IFT172: variants seen among roughly 807,000 people sequenced by gnomAD.
IFT172 encodes the protein intraflagellar transport protein 172 homolog.
IFT172 carries 164 observed loss-of-function variants against 248.9 expected under a neutral mutation model. The observed-to-expected ratio is 0.66, with a 90% confidence interval of 0.58 to 0.75. The LOEUF is 0.75. Ranked by LOEUF, IFT172 falls within the 30% of genes least tolerant of loss-of-function variation. The pLI is 0.00. For synonymous variants in IFT172, 729 were observed against 791.6 expected (o/e 0.92, Z 1.33); for missense variants, 1,950 against 2,192.4 (o/e 0.89, Z 2.21).
chr2:27,468,516 G>A (rs1457852108), intron 16 of IFT172, among the ~76,000 whole-genome samples: 1 of 152,010 alleles, frequency 6.6e-6, no homozygotes, highest in Non-Finnish European at 1.5e-5. Context: ...TTATATGTGT[G>A]AGCCACTGTG....
Position 27,471,076 on chromosome 2 carries a change from T to C in IFT172, c.1544A>G (p.Glu515Gly). ...GAGGATCATTGTCTTAGAGCAGCTTTCAATATCATACAGATGCAACTGAAG... is the reference window on the plus strand; with the variant it reads ...GAGGATCATTGTCTTAGAGCAGCTTCCAATATCATACAGATGCAACTGAAG... ...RKLRLHLYDI[E>G]SCSKTMILNF... Residue 515 changes from glutamate (E) to glycine (G), a missense_variant, in exon 16 of 48, where the codon GAA (glutamate) becomes GGA (glycine). Physicochemically the swap from Glu to Gly is moderately conservative, Grantham distance 98 (BLOSUM62 -2). This residue lies in a region of IFT172 where 1,166 missense variants were observed against 1,254.1 expected (regional missense o/e 0.93). Transcript: ENST00000260570. The C allele has an allele frequency of 6.2e-7, 1 of 1,610,580 alleles. No individual in the cohort carries two copies. Among genetic ancestry groups the C allele is most frequent in the Non-Finnish European group, 8.5e-7 (1 of 1,179,176 alleles).
At chr2:27,455,188 C>A in intron 30 of IFT172, 1 of 322,342 alleles carries the variant, frequency 3.1e-6, no homozygotes, top group South Asian at 2.9e-5. Flanking sequence ...CTGATGTGCT[C>A]AAGAGCATCA....
intron 1 of IFT172, among the ~76,000 whole-genome samples, chr2:27,487,455 C>T (rs575654809): frequency 6.6e-6 from 1 of 152,314 alleles, no homozygotes; most frequent in African/African-American, 2.4e-5. Context: ...AGCATAATCT[C>T]ATTTTACCTC....
At position 27,485,136 on chromosome 2, in the gene IFT172, AG is replaced by A; in HGVS notation, c.184-7del. ...ATATAGCTCTTCCTGCCATACTAAG[AG>A]TTTAAAAAAAAAAAAAGAAAGAAAA... On this transcript the variant is annotated splice_region_variant and splice_polypyrimidine_tract_variant and intron_variant, in intron 2 of 47. Transcript: ENST00000260570. The A allele has an allele frequency of 1.3e-6, 2 of 1,532,502 alleles. No homozygotes were observed. The highest frequency in any genetic ancestry group is 1.8e-6 in the Non-Finnish European group (2 of 1,121,350). The allele number at this position is 1,532,502 out of a possible 1,614,324, so 94.9% of individuals were successfully genotyped here. A position where few individuals can be genotyped will look rare whatever the true frequency, so the allele number is the denominator to read the frequency against.
intron 17 of IFT172, 28 bp from the exon 18 acceptor site, chr2:27,465,546 T>A (rs1055421153): frequency 6.2e-7 from 1 of 1,606,078 alleles, no homozygotes; most frequent in Non-Finnish European, 8.5e-7. Flanking sequence ...CAAAGCATAA[T>A]GAATGAGGAA....
chr2:27,471,159 C>T, intron 15 of IFT172, 64 bp from the exon 16 acceptor site: 2 of 1,535,168 alleles, frequency 1.3e-6, no homozygotes, highest in Non-Finnish European at 1.8e-6. Context: ...CTGCTTTTGA[C>T]CATTTTCCTA....
At position 27,453,965 on chromosome 2, in the gene IFT172, T is replaced by C. The variant is rs376488082; in HGVS notation, c.3711+17A>G. The C allele has an allele frequency of 3.8e-5, 61 of 1,604,288 alleles. No individual in the cohort carries two copies. Among genetic ancestry groups the C allele is most frequent in the Non-Finnish European group, 3.9e-5 (46 of 1,177,446 alleles). On this transcript the variant is annotated intron_variant, in intron 33 of 47. Transcript: ENST00000260570. ...AACTCTCCCCCTCCCCTCATGGCCCTGCATCCAGTGCCCCACCTTATAATA... is the reference window on the plus strand; with the variant it reads ...AACTCTCCCCCTCCCCTCATGGCCCCGCATCCAGTGCCCCACCTTATAATA...
chr2:27,458,148 C>T lies in IFT172; in HGVS notation c.2953G>A (p.Gly985Ser), dbSNP rs369780709. The T allele has an allele frequency of 9.5e-5, 153 of 1,614,170 alleles. No homozygotes were observed. Among genetic ancestry groups the T allele is most frequent in the Non-Finnish European group, 1.2e-4 (147 of 1,180,012 alleles). ...ITQAQEMEKQ[G>S]KYREAERLYV... ...CACCTTTCAGCCTCACGGTACTTGC[C>T]CTGCTTCTCCATTTCCTGGGCCTGA... The change falls in exon 27 of 48, where the codon GGC (glycine) becomes AGC (serine). Residue 985 changes from glycine to serine, a missense_variant. Around this residue, in one of 3 missense-constraint regions of IFT172, gnomAD observed 1,166 missense variants for 1,254.1 expected, o/e 0.93. Transcript: ENST00000260570.
rs1356429220 is a variant in IFT172, at chr2:27,479,390, C to A, written c.1005+119G>T. Reference sequence around the variant, plus strand: ...TGACATATTCTGTTGCCCAGAACAGCTCTTCCAGAGGGATGAAGATTAAAT... The same window carrying A: ...TGACATATTCTGTTGCCCAGAACAGATCTTCCAGAGGGATGAAGATTAAAT... On this transcript the variant is annotated intron_variant, in intron 10 of 47. Coordinates refer to ENST00000260570, the MANE Select transcript of IFT172 (RefSeq NM_015662.3). 7 of 685,944 alleles carry A rather than the reference C, an allele frequency of 1.0e-5. No individual in the cohort carries two copies. The African/African-American group carries it at 1.2e-4, about 12-fold the overall frequency. The allele number at this position is 685,944 out of a possible 1,614,324, so 42.5% of individuals were successfully genotyped here.
intron 1 of IFT172, 76 bp from the exon 2 acceptor site, chr2:27,485,579 C>A (rs1668701812): frequency 6.5e-7 from 1 of 1,540,950 alleles, no homozygotes; most frequent in Non-Finnish European, 8.9e-7. Flanking sequence ...TTCATTAATT[C>A]TAGTGTAATA....
At chr2:27,446,416 TGATCCTGTAAGGCAGCCACA>T (rs1665105678) in intron 42 of IFT172, 61 bp from the exon 43 acceptor site, 4 of 1,446,356 alleles carry the variant, frequency 2.8e-6, no homozygotes, top group Non-Finnish European at 3.9e-6. Context: ...ACCAGACCAA[TGATCCTGTAAGGCAGCCACA>T]GAACTAAAAA....
At chr2:27,488,960 T>C (rs1434629709) in intron 1 of IFT172, among the ~76,000 whole-genome samples, 1 of 152,246 alleles carries the variant, frequency 6.6e-6, no homozygotes, top group Non-Finnish European at 1.5e-5. Flanking sequence ...GAAAATCCCT[T>C]GAACCCGGGA....
Position 27,461,100 on chromosome 2 carries a change from ACACATAC to A in IFT172, c.2443-14_2443-8del. Reference sequence around the variant, plus strand: ...TCTCAAAGAGATCACCTGCCTGTTAACACATACCACATTACTATGATACCCCTACAAC... The same window carrying A: ...TCTCAAAGAGATCACCTGCCTGTTAACACATTACTATGATACCCCTACAAC... On this transcript the variant is annotated splice_polypyrimidine_tract_variant and splice_region_variant and intron_variant, in intron 22 of 47. Transcript: ENST00000260570. 6.2e-7 allele frequency: 1 copy of A among 1,614,140 alleles called. No homozygotes were observed. The highest frequency in any genetic ancestry group is 8.5e-7 in the Non-Finnish European group (1 of 1,180,024).
At chr2:27,486,399 T>C (rs1668768110) in intron 1 of IFT172, among the ~76,000 whole-genome samples, 2 of 152,232 alleles carry the variant, frequency 1.3e-5, no homozygotes, top group African/African-American at 4.8e-5. Flanking sequence ...TCTGACCAGA[T>C]CTGACCCTTC....
intron 41 of IFT172, 66 bp from the exon 42 acceptor site, chr2:27,447,700 T>C: frequency 6.2e-7 from 1 of 1,612,382 alleles, no homozygotes; most frequent in African/African-American, 1.3e-5. Flanking sequence ...TAGAGTGGTC[T>C]CTGATAGCCA....
chr2:27,455,031 T>C (rs1325527351), intron 30 of IFT172: 1 of 304,194 alleles, frequency 3.3e-6, no homozygotes, highest in Non-Finnish European at 6.2e-6. Context: ...CCAGCTACAT[T>C]AGCAGAAACA....
intron 14 of IFT172, among the ~76,000 whole-genome samples, chr2:27,474,772 G>C (rs1667843610): frequency 6.6e-6 from 1 of 151,890 alleles, no homozygotes. Context: ...GGCTGGTCTT[G>C]AACTCCTGAC....
At chr2:27,451,142 A>G (rs1321449812) in intron 35 of IFT172, among the ~76,000 whole-genome samples, 1 of 152,170 alleles carries the variant, frequency 6.6e-6, no homozygotes, top group South Asian at 2.1e-4. Context: ...CTCTGTTTCC[A>G]TTATGATGCT....
intron 8 of IFT172, among the ~76,000 whole-genome samples, chr2:27,480,563 C>T (rs1668284072): frequency 6.6e-6 from 1 of 152,170 alleles, no homozygotes; most frequent in Admixed American, 6.5e-5. Flanking sequence ...AGACCTGGAA[C>T]ATGGCTGTTT....
Sources: allele counts gnomAD v4.1 joint callset (sites outside exome capture counted in the v4.1 genomes callset), GRCh38; gene constraint gnomAD v4.1.1; regional missense constraint gnomAD v4.1.1; transcripts MANE v1.5; gene names NCBI Gene and HGNC (gene_info 2026-07-23, HGNC 2026-07-21).